Variants in CERS6 observed in about 807,000 individuals in gnomAD.
CERS6 encodes the protein ceramide synthase 6.
CERS6 carries 26 observed loss-of-function variants against 56.8 expected under a neutral mutation model. The observed-to-expected ratio is 0.46, with a 90% CI of 0.34 to 0.63. The LOEUF (loss-of-function observed/expected upper bound fraction) is 0.63, where lower values mean the gene tolerates loss of function less well. CERS6 is among the 30% of genes least tolerant of loss of function. The pLI is 0.01. For synonymous variants in CERS6, 164 were observed against 173.3 expected, an observed-to-expected ratio of 0.95 and a Z score of 0.42; for missense variants, 415 against 467.5, an observed-to-expected ratio of 0.89 and a Z score of 1.04.
chr2:168,609,396 T>A (rs1452641946), intron 3 of CERS6, among the ~76,000 whole-genome samples: 1 of 152,230 alleles, frequency 6.6e-6, no homozygotes, highest in Non-Finnish European at 1.5e-5. Context: ...AGTATGAACA[T>A]TGATGTGCCT....
At chr2:168,528,540 AC>A (rs1695110009) in intron 1 of CERS6, among the ~76,000 whole-genome samples, 1 of 152,214 alleles carries the variant, frequency 6.6e-6, no homozygotes, top group African/African-American at 2.4e-5. Flanking sequence ...CTAGATCCTG[AC>A]CAATACTCTT....
intron 6 of CERS6, among the ~76,000 whole-genome samples, chr2:168,697,573 TGG>T (rs1686687145): frequency 7.1e-6 from 1 of 140,558 alleles, no homozygotes. Flanking sequence ...TTTTTTAACT[TGG>T]GAGAATTGAT....
chr2:168,771,498 T>C lies in CERS6; in HGVS notation c.*1836T>C, dbSNP rs1684859852. 6.6e-6 allele frequency: 1 copy of C among 152,228 alleles called. No individual in the cohort carries two copies. Among genetic ancestry groups the C allele is most frequent in the African/African-American group, 2.4e-5 (1 of 41,472 alleles). The allele number at this position is 152,228 out of a possible 1,614,324, so 9.4% of individuals were successfully genotyped here. A position where few individuals can be genotyped will look rare whatever the true frequency, so the allele number is the denominator to read the frequency against. On this transcript the variant is annotated 3_prime_UTR_variant, in exon 10 of 10. Transcript: ENST00000305747. The stretch of plus-strand genomic sequence containing the variant: ...TTATTTCACAAAACAGGCATATGTC[T>C]AGGAGTGTAATTTGTGGATGGTTGA...
intron 1 of CERS6, among the ~76,000 whole-genome samples, chr2:168,527,908 A>C (rs1353784911): frequency 6.6e-6 from 1 of 151,918 alleles, no homozygotes; most frequent in Non-Finnish European, 1.5e-5. Context: ...TTTTGTAGAG[A>C]TGGGATTTTG....
At chr2:168,584,533 C>T (rs185055897) in intron 3 of CERS6, among the ~76,000 whole-genome samples, 58 of 152,272 alleles carry the variant, frequency 3.8e-4, no homozygotes, top group Non-Finnish European at 6.0e-4. Flanking sequence ...TTTGGCCACA[C>T]ATTCCCTAAT....
intron 2 of CERS6, among the ~76,000 whole-genome samples, chr2:168,557,893 GA>G: frequency 6.6e-6 from 1 of 152,144 alleles, no homozygotes; most frequent in Non-Finnish European, 1.5e-5. Context: ...TTGGTACAGA[GA>G]AGGGTTTAAT....
intron 3 of CERS6, among the ~76,000 whole-genome samples, chr2:168,600,743 T>G (rs748897808): frequency 6.6e-6 from 1 of 152,204 alleles, no homozygotes; most frequent in African/African-American, 2.4e-5. Context: ...CTGTAAACAT[T>G]CCTTAAAGGC....
chr2:168,556,884 G>A (rs1360707347), intron 2 of CERS6, among the ~76,000 whole-genome samples: 1 of 150,798 alleles, frequency 6.6e-6, no homozygotes, highest in African/African-American at 2.4e-5. Context: ...GCTGGGCATG[G>A]TGCTTCACAC....
chr2:168,735,428 G>A (rs1183377551), intron 8 of CERS6, among the ~76,000 whole-genome samples: 6 of 152,152 alleles, frequency 3.9e-5, no homozygotes, highest in African/African-American at 1.4e-4. Context: ...GTAAGAGGGT[G>A]TGATTGACAC....
At chr2:168,489,980 T>C (rs547060212) in intron 1 of CERS6, among the ~76,000 whole-genome samples, 8 of 152,298 alleles carry the variant, frequency 5.3e-5, no homozygotes, top group African/African-American at 1.9e-4. Context: ...TTTTAAAATT[T>C]CTTTTAGCAG....
chr2:168,528,689 G>A (rs1041345332), intron 1 of CERS6, among the ~76,000 whole-genome samples: 2 of 90,292 alleles, frequency 2.2e-5, no homozygotes, highest in East Asian at 3.0e-4. Flanking sequence ...TGCTGGGATA[G>A]CATGTCAAAT....
chr2:168,720,010 A>G (rs1197820360), intron 8 of CERS6, among the ~76,000 whole-genome samples: 3 of 151,036 alleles, frequency 2.0e-5, no homozygotes, highest in African/African-American at 7.3e-5. Flanking sequence ...ATCTTGGATC[A>G]CTGCAGTCTC....
At chr2:168,576,865 G>A (rs1444220240) in intron 3 of CERS6, among the ~76,000 whole-genome samples, 3 of 152,216 alleles carry the variant, frequency 2.0e-5, no homozygotes, top group African/African-American at 7.2e-5. Flanking sequence ...GAGAGAAAGT[G>A]AGAATTCAAG....
chr2:168,690,649 G>A (rs79912908), intron 4 of CERS6, among the ~76,000 whole-genome samples: 9,299 of 152,106 alleles, frequency 0.061, 366 homozygotes, highest in East Asian at 0.14. Context: ...GTTTATACTA[G>A]CTGTCATCAA....
chr2:168,717,811 G>T, intron 7 of CERS6, 61 bp from the exon 8 acceptor site: 3 of 1,297,748 alleles, frequency 2.3e-6, no homozygotes, highest in Non-Finnish European at 2.2e-6. Context: ...CATGCATATT[G>T]AAAGAAACTT....
intron 7 of CERS6, among the ~76,000 whole-genome samples, chr2:168,717,569 TTC>T (rs989617013): frequency 3.2e-4 from 49 of 152,208 alleles, no homozygotes; most frequent in Non-Finnish European, 7.4e-5. Context: ...TCTCTTATTT[TTC>T]TCTCTGTTTT....
chr2:168,772,115 A>C lies in CERS6; in HGVS notation c.*2453A>C, dbSNP rs1262731172. 1 of 152,232 alleles carries C rather than the reference A, an allele frequency of 6.6e-6. No homozygotes were observed. Among genetic ancestry groups the C allele is most frequent in the Admixed American group, 6.5e-5 (1 of 15,282 alleles). 9.4% of individuals were successfully genotyped at this position (152,232 alleles called of 1,614,324 possible). ...GCTGAGAGAGAAAAATATGTGCAGT[A>C]TCTCATCCTCCCCCTGTACCAGGCC... On this transcript the variant is annotated 3_prime_UTR_variant, in exon 10 of 10. Transcript: ENST00000305747.
At chr2:168,461,171 CTGTT>C (rs971009724) in intron 1 of CERS6, among the ~76,000 whole-genome samples, 5 of 152,178 alleles carry the variant, frequency 3.3e-5, no homozygotes, top group African/African-American at 9.7e-5. Context: ...TTTTAAAAGA[CTGTT>C]TGGGAACAAC....
At chr2:168,543,681 C>T (rs1211722366) in intron 1 of CERS6, among the ~76,000 whole-genome samples, 1 of 151,710 alleles carries the variant, frequency 6.6e-6, no homozygotes. Context: ...GTTTTTTCTT[C>T]TTTCATTTGG....
Sources: allele counts gnomAD v4.1 joint callset (sites outside exome capture counted in the v4.1 genomes callset), GRCh38; gene constraint gnomAD v4.1.1; transcripts MANE v1.5; gene names NCBI Gene and HGNC (gene_info 2026-07-23, HGNC 2026-07-21).